Variants in ABCC8 observed in about 807,000 individuals in gnomAD.
The protein encoded by ABCC8 is ATP-binding cassette sub-family C member 8.
ABCC8 carries 137 observed loss-of-function variants against 188.0 expected under a neutral mutation model. The ratio of observed to expected loss-of-function variants is 0.73; its 90% CI spans 0.63 to 0.84. The LOEUF is 0.84. Among genes scored for constraint, ABCC8 ranks in the 40% least tolerant of loss-of-function variants. The pLI, the probability that ABCC8 is intolerant of heterozygous loss-of-function variation, is 0.00. For synonymous variants in ABCC8, 797 were observed against 846.5 expected, an observed-to-expected ratio of 0.94 and a Z score of 1.01; for missense variants, 1,750 against 2,072.7, an observed-to-expected ratio of 0.84 and a Z score of 3.02.
In ABCC8 at chr11:17,463,536, C is replaced by A. The variant is rs748433658; in HGVS notation, c.481G>T (p.Ala161Ser). ...TIKFVKFLDH[A>S]IGFSQLRFCL... ...AAGCGTAGCTGCGAGAAGCCGATGG[C>A]GTGGTCCAAGAACTTGACAAACTTG... The change falls in exon 4 of 39, where the codon GCC becomes TCC. Residue 161 changes from alanine to serine, a missense_variant. Ala to Ser is a moderately conservative substitution (Grantham distance 99). Transcript: ENST00000389817. The A allele has an allele frequency of 6.3e-7, 1 of 1,597,482 alleles. No homozygotes were observed. Among genetic ancestry groups the A allele is most frequent in the Non-Finnish European group, 8.5e-7 (1 of 1,172,012 alleles).
At chr11:17,417,749 C>T (rs1002033184) in intron 16 of ABCC8, among the ~76,000 whole-genome samples, 4 of 149,530 alleles carry the variant, frequency 2.7e-5, no homozygotes, top group East Asian at 1.9e-4. Flanking sequence ...GTAGTATTTT[C>T]TCTCTCTCTC....
intron 6 of ABCC8, among the ~76,000 whole-genome samples, chr11:17,455,905 C>G (rs1956975482): frequency 6.8e-6 from 1 of 147,458 alleles, no homozygotes; most frequent in South Asian, 2.2e-4. Flanking sequence ...CGCCAGTGCA[C>G]TCCAGCCTGG....
chr11:17,414,439 C>T, intron 19 of ABCC8, 73 bp downstream of exon 19: 1 of 1,583,374 alleles, frequency 6.3e-7, no homozygotes, highest in Admixed American at 1.7e-5. Context: ...GATGGAGGGG[C>T]CCGGAACTGG....
chr11:17,428,141 G>A, intron 14 of ABCC8, 148 bp downstream of exon 14: 2 of 1,552,302 alleles, frequency 1.3e-6, no homozygotes, highest in Non-Finnish European at 1.7e-6. Flanking sequence ...CCACTTGGTG[G>A]TCCCTGGTTT....
At chr11:17,456,581 G>C (rs1275438087) in intron 6 of ABCC8, among the ~76,000 whole-genome samples, 1 of 151,634 alleles carries the variant, frequency 6.6e-6, no homozygotes, top group Non-Finnish European at 1.5e-5. Flanking sequence ...CCTGGGTAAA[G>C]AATAAAATTA....
Position 17,395,633 on chromosome 11 carries a change from G to T in ABCC8, c.4284C>A (p.Pro1428=). 6.4e-7 allele frequency: 1 copy of T among 1,557,684 alleles called. No individual in the cohort carries two copies. The highest frequency in any genetic ancestry group is 1.2e-5 in the South Asian group (1 of 84,550). Residue 1428 remains proline, a synonymous_variant, in exon 35 of 39, where the codon CCC becomes CCA. Transcript: ENST00000389817. ...ACCGGATGGTGCCGCTGAAGAGGAC[G>T]GGGTCCTGCAGGATGATGGAGAGGC... The part of the protein sequence containing the change: ...RSRLSIILQD[P]VLFSGTIRFN...
At chr11:17,400,887 T>C (rs1327033840) in intron 29 of ABCC8, among the ~76,000 whole-genome samples, 1 of 152,240 alleles carries the variant, frequency 6.6e-6, no homozygotes, top group Non-Finnish European at 1.5e-5. Flanking sequence ...AAGTGGGCAA[T>C]CAATAAGTGC....
chr11:17,470,259 T>C, intron 2 of ABCC8, 37 bp from the exon 3 acceptor site: 3 of 1,613,268 alleles, frequency 1.9e-6, no homozygotes, highest in Non-Finnish European at 2.5e-6. Flanking sequence ...GATGGGGACA[T>C]GCTAAGTACT....
chr11:17,461,571 G>A lies in ABCC8; in HGVS notation c.822+12C>T. ...GGCAGTGAATAGATGGTGTGGCTGT[G>A]CCCCCACTGACCACCTGGGCGTCAA... On this transcript the variant is annotated intron_variant, in intron 5 of 38. Transcript: ENST00000389817. The A allele has an allele frequency of 6.2e-7, 1 of 1,614,216 alleles. No individual in the cohort carries two copies. The highest frequency in any genetic ancestry group is 8.5e-7 in the Non-Finnish European group (1 of 1,180,030).
At chr11:17,471,062 C>T (rs1463738180) in intron 2 of ABCC8, among the ~76,000 whole-genome samples, 1 of 152,260 alleles carries the variant, frequency 6.6e-6, no homozygotes, top group African/African-American at 2.4e-5. Flanking sequence ...CCCAGCCTGC[C>T]CTTTCTGCTC....
chr11:17,438,534 G>T (rs549423639), intron 10 of ABCC8, among the ~76,000 whole-genome samples: 5 of 152,308 alleles, frequency 3.3e-5, no homozygotes, highest in Admixed American at 1.3e-4. Context: ...TGAACTGGCA[G>T]CATATCGAGT....
chr11:17,444,566 C>G (rs1956452104), intron 8 of ABCC8, among the ~76,000 whole-genome samples: 1 of 152,206 alleles, frequency 6.6e-6, no homozygotes, highest in African/African-American at 2.4e-5. Context: ...CCCCCATCCC[C>G]TCCTCCTAGG....
chr11:17,430,980 G>A (rs893625798), intron 11 of ABCC8, 21 bp from the exon 12 acceptor site: 6 of 1,613,180 alleles, frequency 3.7e-6, no homozygotes, highest in Non-Finnish European at 4.2e-6. Flanking sequence ...AGGCACAAGT[G>A]AGGCCAGGGT....
At position 17,392,900 on chromosome 11, in the gene ABCC8, T is replaced by C; in HGVS notation, c.*91A>G. On this transcript the variant is annotated 3_prime_UTR_variant, in exon 39 of 39. Coordinates refer to ENST00000389817, the MANE Select transcript of ABCC8 (RefSeq NM_000352.6). The stretch of plus-strand genomic sequence containing the variant: ...GGGCCTCTAGTAGGAAATAATCAAA[T>C]CTATTTATTTACAAGTGATTTACAG... 2 of 1,463,888 alleles carry C rather than the reference T, an allele frequency of 1.4e-6. No individual in the cohort carries two copies. The highest frequency in any genetic ancestry group is 1.9e-6 in the Non-Finnish European group (2 of 1,051,668). The allele number at this position is 1,463,888 out of a possible 1,614,324, so 90.7% of individuals were successfully genotyped here.
At chr11:17,435,257 A>T (rs796894436) in intron 10 of ABCC8, among the ~76,000 whole-genome samples, 4 of 152,120 alleles carry the variant, frequency 2.6e-5, no homozygotes, top group South Asian at 4.1e-4. Flanking sequence ...TTGTCCTTTA[A>T]GCCAGCAACC....
chr11:17,460,438 A>T lies in ABCC8; in HGVS notation c.1011+50T>A. On this transcript the variant is annotated intron_variant, in intron 6 of 38. Transcript: ENST00000389817. Reference sequence around the variant, plus strand: ...ATTGGCCTGTTGCACTCTCAGAAACAACTGAAAACCATCTAGAGGGTGCCT... The same window carrying T: ...ATTGGCCTGTTGCACTCTCAGAAACTACTGAAAACCATCTAGAGGGTGCCT... The T allele has an allele frequency of 2.5e-6, 4 of 1,612,972 alleles. 1 individual carries two copies. In the South Asian group the frequency reaches 4.4e-5, roughly 18 times the overall value.
At chr11:17,402,194 A>G (rs1954279860) in intron 29 of ABCC8, among the ~76,000 whole-genome samples, 1 of 152,132 alleles carries the variant, frequency 6.6e-6, no homozygotes, top group African/African-American at 2.4e-5. Context: ...AGGTTATAGA[A>G]CGTCTCTGTG....
At chr11:17,396,240 G>A in intron 33 of ABCC8, 1 of 503,820 alleles carries the variant, frequency 2.0e-6, no homozygotes, top group Non-Finnish European at 3.6e-6. Flanking sequence ...TGTCTCTATG[G>A]GCATGGGTGT....
chr11:17,403,904 T>C (rs78967077), intron 28 of ABCC8, among the ~76,000 whole-genome samples: 14,350 of 152,288 alleles, frequency 0.094, 751 homozygotes, highest in Non-Finnish European at 0.12. Flanking sequence ...AATTTTTTCC[T>C]ACAATTTTTT....
Sources: gnomAD v4.1 joint callset for allele counts (sites outside exome capture counted in the v4.1 genomes callset) on GRCh38, gnomAD v4.1.1 for gene constraint, MANE v1.5 for transcripts, NCBI Gene and HGNC (gene_info 2026-07-23, HGNC 2026-07-21) for gene names.